Variants in COL10A1 observed in about 807,000 individuals in gnomAD.
COL10A1 encodes the protein collagen alpha-1(X) chain.
COL10A1 carries 10 observed loss-of-function variants against 18.2 expected under a neutral mutation model. The ratio of observed to expected loss-of-function variants is 0.55; its 90% CI spans 0.34 to 0.93. The LOEUF is 0.93. Among genes scored for constraint, COL10A1 ranks in the 40% least tolerant of loss-of-function variants. The pLI, the probability that COL10A1 is intolerant of heterozygous loss-of-function variation, is 0.02. For missense variants in COL10A1, 897 were observed against 853.5 expected (o/e 1.05, Z -0.64); for synonymous variants, 330 against 316.6 (o/e 1.04, Z -0.45).
chr6:116,138,941 C>T (rs1223412594), intron 1 of COL10A1, among the ~76,000 whole-genome samples: 2 of 152,140 alleles, frequency 1.3e-5, no homozygotes, highest in East Asian at 3.9e-4. Flanking sequence ...TTTATAATTG[C>T]ATTATTAGTT....
chr6:116,209,966 G>A, the COL10A1 span, among the ~76,000 whole-genome samples: 1 of 152,014 alleles, frequency 6.6e-6, no homozygotes, highest in South Asian at 2.1e-4. Context: ...ATGAGGTTTA[G>A]TGGATTAGGA....
Position 116,120,016 on chromosome 6 carries a change from G to T in COL10A1, c.*57C>A. 8.6e-6 allele frequency: 12 copies of T among 1,399,084 alleles called. No individual in the cohort carries two copies. In the South Asian group the frequency reaches 1.4e-4, roughly 16 times the overall value. The allele number at this position is 1,399,084 out of a possible 1,614,324, so 86.7% of individuals were successfully genotyped here. On this transcript the variant is annotated 3_prime_UTR_variant, in exon 3 of 3. Transcript: ENST00000651968. Reference sequence around the variant, plus strand: ...ACCTCCATATGCATTTTGTAGGGTGGGGTAGAGTTAGAGAATGCTTTTTCT... The same window carrying T: ...ACCTCCATATGCATTTTGTAGGGTGTGGTAGAGTTAGAGAATGCTTTTTCT...
chr6:116,144,859 T>G (rs1779857229), intron 1 of COL10A1, among the ~76,000 whole-genome samples: 1 of 152,264 alleles, frequency 6.6e-6, no homozygotes, highest in Admixed American at 6.5e-5. Context: ...AGAGCTCTGT[T>G]TGGCACATAG....
chr6:116,170,524 T>G, the COL10A1 span, among the ~76,000 whole-genome samples: 1 of 152,210 alleles, frequency 6.6e-6, no homozygotes, highest in Non-Finnish European at 1.5e-5. Flanking sequence ...AAATCAGAAG[T>G]GTACGTAAAG....
In COL10A1 at chr6:116,119,020, T is replaced by G. The variant is rs1017905538; in HGVS notation, c.*1053A>C. 2.0e-5 allele frequency: 3 copies of G among 152,624 alleles called. No individual in the cohort carries two copies. The highest frequency in any genetic ancestry group is 7.2e-5 in the African/African-American group (3 of 41,462). The allele number at this position is 152,624 out of a possible 1,614,324, so 9.5% of individuals were successfully genotyped here. A position where few individuals can be genotyped will look rare whatever the true frequency, so the allele number is the denominator to read the frequency against. ...TTGCTGCTTTCAAATTAATTCAGCC[T>G]AAAAATCTATTGATGTTATTTTATT... is the stretch of plus-strand genomic sequence containing the variant. On this transcript the variant is annotated 3_prime_UTR_variant, in exon 3 of 3. Coordinates refer to ENST00000651968, the MANE Select transcript of COL10A1 (RefSeq NM_000493.4).
At chr6:116,152,720 A>G (rs957241149) in intron 1 of COL10A1, among the ~76,000 whole-genome samples, 1 of 152,080 alleles carries the variant, frequency 6.6e-6, no homozygotes, top group Non-Finnish European at 1.5e-5. Context: ...TTACAGCCAT[A>G]CTTCTTGGTT....
intron 1 of COL10A1, among the ~76,000 whole-genome samples, chr6:116,156,179 A>G (rs993083816): frequency 1.3e-5 from 2 of 152,184 alleles, no homozygotes; most frequent in Non-Finnish European, 2.9e-5. Context: ...TTGGGGAGGA[A>G]TAAGTAAAAT....
At chr6:116,164,242 A>G in the COL10A1 span, among the ~76,000 whole-genome samples, 1 of 152,256 alleles carries the variant, frequency 6.6e-6, no homozygotes, top group East Asian at 1.9e-4. Flanking sequence ...TAGGTGTAGT[A>G]GTACTTTTAT....
At chr6:116,132,038 G>C (rs1779480754) in intron 1 of COL10A1, among the ~76,000 whole-genome samples, 1 of 152,130 alleles carries the variant, frequency 6.6e-6, no homozygotes, top group African/African-American at 2.4e-5. Context: ...GTATTCCATG[G>C]GGTATATGTA....
At chr6:116,150,172 A>T (rs1780002727) in intron 1 of COL10A1, among the ~76,000 whole-genome samples, 2 of 152,228 alleles carry the variant, frequency 1.3e-5, no homozygotes, top group South Asian at 4.1e-4. Flanking sequence ...AAGAGTGACC[A>T]ATTAGATGTA....
chr6:116,184,975 A>G, the COL10A1 span, among the ~76,000 whole-genome samples: 2 of 151,534 alleles, frequency 1.3e-5, no homozygotes, highest in East Asian at 1.9e-4. Flanking sequence ...TAGATTGTCT[A>G]TTTGTGCTCT....
At chr6:116,164,153 C>G in the COL10A1 span, among the ~76,000 whole-genome samples, 1 of 152,280 alleles carries the variant, frequency 6.6e-6, no homozygotes, top group South Asian at 2.1e-4. Flanking sequence ...TAGTTTTCTC[C>G]TTCAGTGATC....
At chr6:116,178,899 AT>A in the COL10A1 span, among the ~76,000 whole-genome samples, 1 of 152,140 alleles carries the variant, frequency 6.6e-6, no homozygotes, top group South Asian at 2.1e-4. Flanking sequence ...CTTTTACTCG[AT>A]ATGCATTTCC....
the COL10A1 span, among the ~76,000 whole-genome samples, chr6:116,209,344 A>T: frequency 3.3e-3 from 502 of 152,104 alleles, 15 homozygotes; most frequent in South Asian, 0.046. Context: ...TCACCTGGTA[A>T]GTCTTGCCTG....
At chr6:116,132,787 T>C (rs2114335982) in intron 1 of COL10A1, among the ~76,000 whole-genome samples, 1 of 152,206 alleles carries the variant, frequency 6.6e-6, no homozygotes, top group Admixed American at 6.6e-5. Flanking sequence ...CCTTTTAGGG[T>C]AGAAATGGGA....
At position 116,121,794 on chromosome 6, in the gene COL10A1, G is replaced by T; in HGVS notation, c.322C>A (p.Pro108Thr). The change falls in exon 3 of 3, where the codon CCA becomes ACA. Residue 108 changes from proline (P) to threonine (T), a missense_variant. Transcript: ENST00000651968. ...GPPGPSAVGK[P>T]GVPGLPGKPG... ...TTTCCTGGGAGTCCTGGCACACCTG[G>T]TTTCCCTACAGCTGATGGTCCCGGT... The T allele has an allele frequency of 6.2e-7, 1 of 1,613,608 alleles. No homozygotes were observed. The highest frequency in any genetic ancestry group is 8.5e-7 in the Non-Finnish European group (1 of 1,179,898).
At chr6:116,152,035 G>A (rs1474887863) in intron 1 of COL10A1, among the ~76,000 whole-genome samples, 9 of 152,130 alleles carry the variant, frequency 5.9e-5, no homozygotes, top group African/African-American at 2.2e-4. Context: ...ATAGTAACCT[G>A]GTTGATTTCA....
the COL10A1 span, among the ~76,000 whole-genome samples, chr6:116,204,376 C>G: frequency 6.6e-6 from 1 of 151,968 alleles, no homozygotes; most frequent in East Asian, 1.9e-4. Context: ...AAAAGATGCA[C>G]TACCTAATTA....
At chr6:116,133,575 C>T (rs546167571) in intron 1 of COL10A1, among the ~76,000 whole-genome samples, 4 of 152,266 alleles carry the variant, frequency 2.6e-5, no homozygotes, top group South Asian at 2.1e-4. Flanking sequence ...AGAAACCCAT[C>T]GTCAAAACGG....
Sources: gnomAD v4.1 joint callset for allele counts (sites outside exome capture counted in the v4.1 genomes callset) on GRCh38, gnomAD v4.1.1 for gene constraint, MANE v1.5 for transcripts, NCBI Gene and HGNC (gene_info 2026-07-23, HGNC 2026-07-21) for gene names.